The following ZNF638 variants were observed in gnomAD, a reference collection of about 807,000 sequenced individuals.
The protein encoded by ZNF638 is CTCL tumor antigen se33-1.
Under a neutral mutation model 195.6 loss-of-function variants are expected in ZNF638, and 46 were observed. The observed-to-expected ratio is 0.24, with a 90% confidence interval of 0.19 to 0.30. The LOEUF is 0.30. ZNF638 is among the 10% of genes least tolerant of loss of function. The pLI is 1.00. For synonymous variants in ZNF638, 845 were observed against 772.0 expected (o/e 1.09, Z -1.57); for missense variants, 2,440 against 2,325.3 (o/e 1.05, Z -1.01).
Position 71,423,264 on chromosome 2 carries a change from C to A in ZNF638, c.3750C>A (p.Phe1250Leu), listed in dbSNP as rs1425448031. The A allele has an allele frequency of 3.1e-6, 5 of 1,613,862 alleles. No homozygotes were observed. Among genetic ancestry groups the A allele is most frequent in the Admixed American group, 1.7e-5 (1 of 59,984 alleles). ...LEESPSEAED[F>L]ISGITQTMVE... is the part of the protein sequence containing the mutation. ...AATCTCCATCTGAAGCAGAAGATTT[C>A]ATTTCTGGAATTACACAGACTATGG... Residue 1250 changes from phenylalanine to leucine, a missense_variant, in exon 22 of 28, where the codon TTC becomes TTA. Physicochemically the swap from Phe to Leu is conservative, Grantham distance 22. Coordinates refer to ENST00000264447, the MANE Select transcript of ZNF638 (RefSeq NM_014497.5).
intron 5 of ZNF638, 77 bp from the exon 6 acceptor site, chr2:71,365,352 A>T: frequency 1.7e-6 from 2 of 1,187,238 alleles, no homozygotes; most frequent in Admixed American, 2.8e-5. Flanking sequence ...TGAGAATAGC[A>T]CTATGTGATT....
At chr2:71,340,774 T>C (rs1398769843) in intron 1 of ZNF638, among the ~76,000 whole-genome samples, 1 of 152,232 alleles carries the variant, frequency 6.6e-6, no homozygotes, top group East Asian at 1.9e-4. Flanking sequence ...ATCTGGTATA[T>C]GGAAAGAACA....
At chr2:71,428,790 A>G (rs905120837) in intron 25 of ZNF638, 139 bp downstream of exon 25, 6 of 609,190 alleles carry the variant, frequency 9.8e-6, no homozygotes, top group Admixed American at 3.3e-5. Flanking sequence ...TAGTTATTAG[A>G]TGTGGGTAAC....
intron 1 of ZNF638, chr2:71,334,371 G>A (rs1254055862): frequency 1.3e-5 from 2 of 152,212 alleles, no homozygotes; most frequent in Non-Finnish European, 2.9e-5. Flanking sequence ...GGAAACAGGC[G>A]CTAATGAATG....
Position 71,364,018 on chromosome 2 carries a change from C to G in ZNF638, c.1483C>G (p.Arg495Gly). 1 of 1,614,146 alleles carries G rather than the reference C, an allele frequency of 6.2e-7. No individual in the cohort carries two copies. Among genetic ancestry groups the G allele is most frequent in the Non-Finnish European group, 8.5e-7 (1 of 1,180,018 alleles). Reference protein sequence around the residue: ...RRRSHSPSPRRSRRSSSSHRF... With the variant: ...RRRSHSPSPRGSRRSSSSHRF... ...ACGTTCTCATTCCCCCAGTCCTAGG[C>G]GTTCTAGAAGATCAAGCTCAAGTCA... Residue 495 changes from arginine to glycine, a missense_variant, in exon 5 of 28, where the codon CGT (arginine) becomes GGT (glycine). By Grantham distance (125) the Arg-to-Gly change is moderately radical. Around this residue, in one of 5 missense-constraint regions of ZNF638, gnomAD observed 1,883 missense variants for 1,739.1 expected, o/e 1.08. Coordinates refer to ENST00000264447, the MANE Select transcript of ZNF638 (RefSeq NM_014497.5).
chr2:71,360,426 C>A (rs761049567), intron 3 of ZNF638, among the ~76,000 whole-genome samples: 24 of 152,042 alleles, frequency 1.6e-4, no homozygotes, highest in Non-Finnish European at 3.1e-4. Context: ...AAGCCAAATT[C>A]ATATTTTCCC....
chr2:71,406,891 C>G (rs1238429756), intron 19 of ZNF638, among the ~76,000 whole-genome samples: 1 of 151,876 alleles, frequency 6.6e-6, no homozygotes, highest in Non-Finnish European at 1.5e-5. Context: ...TCCCAGCTGC[C>G]TGGGAGGCTG....
intron 8 of ZNF638, chr2:71,379,986 G>C (rs921595469): frequency 1.2e-4 from 38 of 314,006 alleles, no homozygotes; most frequent in African/African-American, 7.6e-4. Flanking sequence ...GCATCCACCA[G>C]GGGTCTTGGA....
At chr2:71,428,704 G>T in intron 25 of ZNF638, 53 bp downstream of exon 25, 6 of 1,470,750 alleles carry the variant, frequency 4.1e-6, no homozygotes, top group Non-Finnish European at 5.6e-6. Context: ...CAGGAGAGTA[G>T]TTGAAGTTTA....
chr2:71,409,018 G>A (rs2080160088), intron 20 of ZNF638, among the ~76,000 whole-genome samples: 1 of 151,998 alleles, frequency 6.6e-6, no homozygotes, highest in African/African-American at 2.4e-5. Context: ...TTTTTAAAAA[G>A]TTGTCATTTA....
At chr2:71,424,570 T>G in intron 22 of ZNF638, 80 bp from the exon 23 acceptor site, 1 of 1,171,702 alleles carries the variant, frequency 8.5e-7, no homozygotes, top group Non-Finnish European at 1.2e-6. Flanking sequence ...TGTTTTTTTT[T>G]GTTTTTTGTT....
At chr2:71,354,949 A>G (rs995763740) in intron 2 of ZNF638, among the ~76,000 whole-genome samples, 1 of 151,858 alleles carries the variant, frequency 6.6e-6, no homozygotes, top group Admixed American at 6.6e-5. Context: ...ATCAGGTAGC[A>G]TTTTTATTTT....
chr2:71,350,398 C>T (rs1252097272), intron 2 of ZNF638, 127 bp downstream of exon 2: 12 of 936,166 alleles, frequency 1.3e-5, no homozygotes, highest in Non-Finnish European at 1.9e-5. Context: ...TAATTGCAAC[C>T]TCAATACATA....
intron 10 of ZNF638, chr2:71,395,560 C>G: frequency 1.7e-6 from 1 of 605,564 alleles, no homozygotes; most frequent in Non-Finnish European, 3.0e-6. Flanking sequence ...CTTTTGCAGA[C>G]CTTTGATCAT....
At chr2:71,395,715 C>G (rs2104413516) in intron 10 of ZNF638, 4 of 429,072 alleles carry the variant, frequency 9.3e-6, no homozygotes, top group East Asian at 1.2e-4. Flanking sequence ...TCTTTGGTGT[C>G]TCTAAGGCCG....
At chr2:71,361,208 C>A (rs1469331945) in intron 3 of ZNF638, among the ~76,000 whole-genome samples, 1 of 152,176 alleles carries the variant, frequency 6.6e-6, no homozygotes, top group East Asian at 1.9e-4. Flanking sequence ...CTACCTCAGC[C>A]TCCCGAAGTG....
chr2:71,376,023 C>G (rs1012265339), intron 8 of ZNF638: 2 of 152,088 alleles, frequency 1.3e-5, no homozygotes, highest in African/African-American at 4.8e-5. Context: ...AGTTAAGGAA[C>G]ATAGGTAAGG....
intron 1 of ZNF638, among the ~76,000 whole-genome samples, chr2:71,336,372 C>CAAAAAA (rs66593443): frequency 9.5e-6 from 1 of 105,540 alleles, no homozygotes. Context: ...ATTCCATCTC[C>CAAAAAA]AAAAAAAAAA....
intron 24 of ZNF638, 91 bp from the exon 25 acceptor site, chr2:71,428,456 T>A (rs28613330): frequency 0.09 from 106,270 of 1,179,342 alleles, 5,322 homozygotes; most frequent in East Asian, 0.16. Flanking sequence ...TGCAAAAATG[T>A]ATAATGTTGA....
Sources: gnomAD v4.1 joint callset for allele counts (sites outside exome capture counted in the v4.1 genomes callset) on GRCh38, gnomAD v4.1.1 for gene constraint, gnomAD v4.1.1 regional missense constraint, MANE v1.5 for transcripts, NCBI Gene and HGNC (gene_info 2026-07-23, HGNC 2026-07-21) for gene names.